SLC16A10: variants seen among roughly 807,000 people sequenced by gnomAD.
The protein encoded by SLC16A10 is solute carrier family 16 member 10, also known as monocarboxylate transporter 10.
SLC16A10 carries 27 observed loss-of-function variants against 40.0 expected under a neutral mutation model. That is an observed-to-expected ratio of 0.67 (90% CI 0.50 to 0.93). The LOEUF is 0.93. Among genes scored for constraint, SLC16A10 ranks in the 40% least tolerant of loss-of-function variants. The pLI, the probability that SLC16A10 is intolerant of heterozygous loss-of-function variation, is 0.00. For synonymous variants in SLC16A10, 213 were observed against 249.8 expected (o/e 0.85, Z 1.39); for missense variants, 529 against 658.2 (o/e 0.80, Z 2.15).
At chr6:111,187,322 G>A (rs1772915815) in intron 3 of SLC16A10, among the ~76,000 whole-genome samples, 1 of 152,174 alleles carries the variant, frequency 6.6e-6, no homozygotes, top group South Asian at 2.1e-4. Context: ...AACTTGCTCA[G>A]GGTTGCAAGG....
Position 111,177,620 on chromosome 6 carries a change from A to G in SLC16A10, c.897A>G (p.Gly299=). 1 of 1,589,798 alleles carries G rather than the reference A, an allele frequency of 6.3e-7. No homozygotes were observed. Among genetic ancestry groups the G allele is most frequent in the Non-Finnish European group, 8.6e-7 (1 of 1,168,192 alleles). Residue 299 remains glycine, a synonymous_variant, in exon 3 of 6, where the codon GGA becomes GGG. Coordinates refer to ENST00000368851, the MANE Select transcript of SLC16A10 (RefSeq NM_018593.5). The part of the protein sequence containing the change: ...KVTAYAVWAV[G]IPLALFGYFV... ...CAGCTTATGCAGTGTGGGCAGTTGG[A>G]ATACCACTTGCACTTTTTGGATACT...
chr6:111,206,917 C>T (rs1263922936), intron 4 of SLC16A10, among the ~76,000 whole-genome samples, 182 bp downstream of exon 4: 6 of 152,300 alleles, frequency 3.9e-5, no homozygotes, highest in Admixed American at 3.3e-4. Flanking sequence ...CAACCTCCAC[C>T]TCCCGGGTTC....
intron 1 of SLC16A10, among the ~76,000 whole-genome samples, chr6:111,100,162 A>G (rs993362112): frequency 1.3e-5 from 2 of 152,112 alleles, no homozygotes; most frequent in Admixed American, 6.6e-5. Flanking sequence ...TAGTCTATTT[A>G]TGGGTCACCT....
rs1236152121 is a variant in SLC16A10, at chr6:111,224,653, G to A, written c.*2418G>A. ...AAAATTAAGAAGAAAAAGTATAAAC[G>A]TAAGATGCTAAATTCCATAAATGCA... On this transcript the variant is annotated 3_prime_UTR_variant, in exon 6 of 6. Coordinates refer to ENST00000368851, the MANE Select transcript of SLC16A10 (RefSeq NM_018593.5). 7 of 152,086 alleles carry A rather than the reference G, an allele frequency of 4.6e-5. No homozygotes were observed. The highest frequency in any genetic ancestry group is 1.3e-4 in the Admixed American group (2 of 15,270). The allele number at this position is 152,086 out of a possible 1,614,324, so 9.4% of individuals were successfully genotyped here. A position where few individuals can be genotyped will look rare whatever the true frequency, so the allele number is the denominator to read the frequency against.
At chr6:111,092,992 G>C (rs904879017) in intron 1 of SLC16A10, among the ~76,000 whole-genome samples, 1 of 147,920 alleles carries the variant, frequency 6.8e-6, no homozygotes, top group African/African-American at 2.5e-5. Flanking sequence ...AGTGAGCCAA[G>C]ATGGCGCCAC....
intron 1 of SLC16A10, among the ~76,000 whole-genome samples, chr6:111,152,753 A>T (rs1772195084): frequency 6.6e-6 from 1 of 152,236 alleles, no homozygotes; most frequent in Non-Finnish European, 1.5e-5. Context: ...ATAGATTTGG[A>T]TACAGCCTTC....
At chr6:111,122,435 C>A (rs965002080) in intron 1 of SLC16A10, among the ~76,000 whole-genome samples, 1 of 152,190 alleles carries the variant, frequency 6.6e-6, no homozygotes, top group Non-Finnish European at 1.5e-5. Flanking sequence ...GCAAGTGGAA[C>A]TTTAATGACC....
At chr6:111,212,788 G>C (rs1355474552) in intron 4 of SLC16A10, among the ~76,000 whole-genome samples, 1 of 114,588 alleles carries the variant, frequency 8.7e-6, no homozygotes, top group Non-Finnish European at 2.0e-5. Context: ...GTAAGACTTT[G>C]TCTCAAAAAA....
rs1583376318 is a variant in SLC16A10 at position 111,230,758 on chromosome 6, G to A, written c.*8523G>A. 6.6e-6 allele frequency: 1 copy of A among 152,168 alleles called. No homozygotes were observed. Among genetic ancestry groups the A allele is most frequent in the African/African-American group, 2.4e-5 (1 of 41,430 alleles). The allele number at this position is 152,168 out of a possible 1,614,324, so 9.4% of individuals were successfully genotyped here. A position where few individuals can be genotyped will look rare whatever the true frequency, so the allele number is the denominator to read the frequency against. On this transcript the variant is annotated 3_prime_UTR_variant, in exon 6 of 6. Coordinates refer to ENST00000368851, the MANE Select transcript of SLC16A10 (RefSeq NM_018593.5). The stretch of plus-strand genomic sequence containing the variant: ...CCTAGTATAATATGACATTGTTCAT[G>A]TGGACTTATTTTAATGTTTATTTGA...
intron 4 of SLC16A10, among the ~76,000 whole-genome samples, chr6:111,214,234 T>G (rs1226843611): frequency 2.6e-5 from 4 of 152,238 alleles, no homozygotes; most frequent in African/African-American, 9.6e-5. Context: ...AAACTGTCAC[T>G]GGCTTATTAA....
At chr6:111,219,515 A>G (rs1044700169) in intron 5 of SLC16A10, among the ~76,000 whole-genome samples, 1 of 151,846 alleles carries the variant, frequency 6.6e-6, no homozygotes, top group African/African-American at 2.4e-5. Flanking sequence ...GCGAAACCCT[A>G]TCTTTAAAAA....
In SLC16A10 at chr6:111,223,580, G is replaced by C. The variant is rs565374327; in HGVS notation, c.*1345G>C. The stretch of plus-strand genomic sequence containing the variant: ...CAGTTGCACCTTACCACTTCTAATA[G>C]TGTCATATTTCATATTCAGGGGACT... On this transcript the variant is annotated 3_prime_UTR_variant, in exon 6 of 6. Transcript: ENST00000368851. The C allele has an allele frequency of 1.3e-5, 2 of 152,236 alleles. No individual in the cohort carries two copies. Among genetic ancestry groups the C allele is most frequent in the Non-Finnish European group, 2.9e-5 (2 of 68,016 alleles). 9.4% of individuals were successfully genotyped at this position (152,236 alleles called of 1,614,324 possible).
At chr6:111,122,769 G>A (rs990932129) in intron 1 of SLC16A10, among the ~76,000 whole-genome samples, 1 of 152,092 alleles carries the variant, frequency 6.6e-6, no homozygotes, top group Non-Finnish European at 1.5e-5. Flanking sequence ...GATGAGAAGC[G>A]ACCTCCTTAG....
At chr6:111,196,646 A>AAAC (rs557632904) in intron 3 of SLC16A10, among the ~76,000 whole-genome samples, 1 of 152,134 alleles carries the variant, frequency 6.6e-6, no homozygotes, top group Non-Finnish European at 1.5e-5. Flanking sequence ...ACATCTCTAC[A>AAAC]AACAACAACA....
chr6:111,156,828 T>C (rs1772279095), intron 1 of SLC16A10, among the ~76,000 whole-genome samples: 2 of 152,348 alleles, frequency 1.3e-5, no homozygotes, highest in Admixed American at 6.5e-5. Flanking sequence ...ATGTTAATAA[T>C]AGAGGAAACT....
intron 1 of SLC16A10, among the ~76,000 whole-genome samples, chr6:111,116,407 G>A (rs920159943): frequency 6.6e-6 from 1 of 151,422 alleles, no homozygotes; most frequent in Non-Finnish European, 1.5e-5. Context: ...TAGTAGAGAC[G>A]GGGTTTCACC....
intron 1 of SLC16A10, among the ~76,000 whole-genome samples, chr6:111,104,894 T>A (rs777172980): frequency 2.0e-5 from 3 of 151,338 alleles, no homozygotes; most frequent in Non-Finnish European, 4.4e-5. Flanking sequence ...TTAGCTTTGG[T>A]CTTAAAAAAA....
chr6:111,092,457 C>A (rs12194796), intron 1 of SLC16A10, among the ~76,000 whole-genome samples: 38,473 of 151,052 alleles, frequency 0.25, 6,683 homozygotes, highest in African/African-American at 0.5. Flanking sequence ...GCTGGACTAC[C>A]TGCGCTTGCC....
intron 1 of SLC16A10, among the ~76,000 whole-genome samples, chr6:111,162,357 T>G (rs1341795254): frequency 6.6e-6 from 1 of 152,184 alleles, no homozygotes; most frequent in African/African-American, 2.4e-5. Context: ...GGTAAATTCC[T>G]CTCTTCTTGA....
Sources: gnomAD v4.1 joint callset for allele counts (sites outside exome capture counted in the v4.1 genomes callset) on GRCh38, gnomAD v4.1.1 for gene constraint, MANE v1.5 for transcripts, NCBI Gene and HGNC (gene_info 2026-07-23, HGNC 2026-07-21) for gene names.